KIF26B: variants seen among roughly 807,000 people sequenced by gnomAD.
The protein encoded by KIF26B is kinesin family member 26B.
Under a neutral mutation model 151.2 loss-of-function variants are expected in KIF26B, and 63 were observed. That is an observed-to-expected ratio of 0.42 (90% CI 0.34 to 0.51). KIF26B has a LOEUF of 0.51. Ranked by LOEUF, KIF26B falls within the 20% of genes least tolerant of loss-of-function variation. The pLI is 0.07. For missense variants in KIF26B, 2,813 were observed against 2,913.6 expected, an observed-to-expected ratio of 0.97 and a Z score of 0.79; for synonymous variants, 1,357 against 1,262.1, an observed-to-expected ratio of 1.08 and a Z score of -1.59.
At chr1:245,194,986 G>A (rs1177742918) in intron 2 of KIF26B, among the ~76,000 whole-genome samples, 1 of 152,146 alleles carries the variant, frequency 6.6e-6, no homozygotes, top group Non-Finnish European at 1.5e-5. Flanking sequence ...AGCTTATGGG[G>A]AAAATTAAAT....
At position 245,516,020 on chromosome 1, in the gene KIF26B, G is replaced by C. The variant is rs1660955029; in HGVS notation, c.1167-24747G>C. 6.6e-6 allele frequency among the ~76,000 whole-genome samples: 1 copy of C among 152,080 alleles called. No individual in the cohort carries two copies. Among genetic ancestry groups the C allele is most frequent in the Non-Finnish European group, 1.5e-5 (1 of 68,012 alleles). On this transcript the variant is annotated intron_variant, in intron 4 of 14. Coordinates refer to ENST00000407071, the MANE Select transcript of KIF26B (RefSeq NM_018012.4). This position sits in a 1 kb window ranked among gnomAD's most constrained non-coding sequence, Gnocchi z 4.2. ...GGGTTTGGACGATAGCCTCATACTT[G>C]GGTTTCTGTTGTATCTCATGAGTCC...
At chr1:245,330,007 A>G (rs1169541577) in intron 2 of KIF26B, among the ~76,000 whole-genome samples, 2 of 151,952 alleles carry the variant, frequency 1.3e-5, no homozygotes, top group East Asian at 3.9e-4. Context: ...GGGTCTTGCT[A>G]TGTTGCCCAG....
At chr1:245,451,421 T>C (rs1659386384) in intron 4 of KIF26B, among the ~76,000 whole-genome samples, 1 of 151,958 alleles carries the variant, frequency 6.6e-6, no homozygotes, top group Non-Finnish European at 1.5e-5. Flanking sequence ...TTATTTCTGG[T>C]TGTCTTCTAT....
At position 245,467,884 on chromosome 1, in the gene KIF26B, TAA is replaced by T. The variant is rs5782341; in HGVS notation, c.1166+48149_1166+48150del. On this transcript the variant is annotated intron_variant, in intron 4 of 14. Coordinates refer to ENST00000407071, the MANE Select transcript of KIF26B (RefSeq NM_018012.4). ...CATTCCAGCCTGGGCAACAGAGTCA[TAA>T]AAAAAAAAAGTGGGGGTTGGGGGGT... Among the ~76,000 whole-genome samples the T allele has an allele frequency of 9.2e-4, 138 of 150,002 alleles. 1 individual carries two copies. Among genetic ancestry groups the T allele is most frequent in the African/African-American group, 2.6e-3 (106 of 41,002 alleles).
intron 5 of KIF26B, among the ~76,000 whole-genome samples, chr1:245,542,407 G>A (rs1190285863): frequency 3.3e-5 from 5 of 152,250 alleles, no homozygotes; most frequent in African/African-American, 1.2e-4. Context: ...ATCCAGTCCT[G>A]GAGCTTTCCT....
At chr1:245,353,466 G>A (rs891822262) in intron 2 of KIF26B, among the ~76,000 whole-genome samples, 14 of 152,220 alleles carry the variant, frequency 9.2e-5, no homozygotes, top group Non-Finnish European at 1.8e-4. Context: ...GGCACACACC[G>A]AGGAAGATTC....
intron 5 of KIF26B, among the ~76,000 whole-genome samples, chr1:245,559,570 C>T (rs760859867): frequency 6.6e-6 from 1 of 150,914 alleles, no homozygotes; most frequent in African/African-American, 2.4e-5. Context: ...CGCCCCCACA[C>T]CTGCCTAATT....
At chr1:245,635,592 T>C (rs1375983767) in intron 9 of KIF26B, among the ~76,000 whole-genome samples, 1 of 152,008 alleles carries the variant, frequency 6.6e-6, no homozygotes, top group East Asian at 1.9e-4. Flanking sequence ...TTTTCTCCAT[T>C]GTTTTTGGTT....
chr1:245,183,425 T>G (rs1203865010), intron 2 of KIF26B, among the ~76,000 whole-genome samples: 1 of 152,246 alleles, frequency 6.6e-6, no homozygotes, highest in African/African-American at 2.4e-5. Context: ...ATAGTTCTGG[T>G]TCCAACACTT....
chr1:245,395,985 G>A (rs1673828904), intron 3 of KIF26B, among the ~76,000 whole-genome samples: 1 of 152,208 alleles, frequency 6.6e-6, no homozygotes, highest in Admixed American at 6.5e-5. Flanking sequence ...ATTCACAACT[G>A]TGGCAGCCTC....
At chr1:245,697,117 A>G (rs559961880) in intron 12 of KIF26B, among the ~76,000 whole-genome samples, 11 of 152,258 alleles carry the variant, frequency 7.2e-5, no homozygotes, top group African/African-American at 2.6e-4. Context: ...TCTCAAAAAC[A>G]GTGAGGTTTA....
intron 2 of KIF26B, among the ~76,000 whole-genome samples, chr1:245,237,146 C>G (rs1266920511): frequency 2.0e-5 from 3 of 152,182 alleles, no homozygotes; most frequent in Non-Finnish European, 4.4e-5. Context: ...TCTACTTCTT[C>G]CCTTCTTTCT....
chr1:245,619,832 G>A (rs1476526053), intron 9 of KIF26B, among the ~76,000 whole-genome samples: 3 of 151,978 alleles, frequency 2.0e-5, no homozygotes, highest in African/African-American at 7.3e-5. Context: ...AGAATCACTT[G>A]AACCTGGGAG....
At chr1:245,285,180 G>A (rs556595267) in intron 2 of KIF26B, among the ~76,000 whole-genome samples, 1 of 152,314 alleles carries the variant, frequency 6.6e-6, no homozygotes, top group East Asian at 1.9e-4. Flanking sequence ...TGCTCCACAC[G>A]TCTCTCATCC....
At chr1:245,541,863 C>T (rs1661633751) in intron 5 of KIF26B, among the ~76,000 whole-genome samples, 1 of 152,128 alleles carries the variant, frequency 6.6e-6, no homozygotes, top group Non-Finnish European at 1.5e-5. Flanking sequence ...CAAACACGGT[C>T]ATGGCTGGGT....
intron 9 of KIF26B, among the ~76,000 whole-genome samples, chr1:245,624,761 CT>C (rs1246817613): frequency 6.6e-6 from 1 of 152,006 alleles, no homozygotes; most frequent in African/African-American, 2.4e-5. Flanking sequence ...TTTATATGTT[CT>C]TTTATGAATC....
chr1:245,269,185 C>T (rs890070122), intron 2 of KIF26B, among the ~76,000 whole-genome samples: 7 of 150,638 alleles, frequency 4.6e-5, no homozygotes, highest in South Asian at 2.1e-4. Flanking sequence ...TCCCACCGAA[C>T]GGCTCCTCTC....
At chr1:245,644,104 C>G (rs2103183669) in intron 9 of KIF26B, among the ~76,000 whole-genome samples, 1 of 152,212 alleles carries the variant, frequency 6.6e-6, no homozygotes, top group African/African-American at 2.4e-5. Flanking sequence ...CTGTCTTCTC[C>G]TTTAGGGACT....
At chr1:245,609,155 T>C in intron 7 of KIF26B, 111 bp from the exon 8 acceptor site, 1 of 1,016,076 alleles carries the variant, frequency 9.8e-7, no homozygotes, top group Non-Finnish European at 1.4e-6. Context: ...CTCTTCCCTT[T>C]TCCCCCCTTC....
Sources: allele counts gnomAD v4.1 joint callset (sites outside exome capture counted in the v4.1 genomes callset), GRCh38; gene constraint gnomAD v4.1.1; non-coding constraint Gnocchi (gnomAD v3.1); transcripts MANE v1.5; gene names NCBI Gene and HGNC (gene_info 2026-07-23, HGNC 2026-07-21).